The following DNAH6 variants were observed in gnomAD, a reference collection of about 807,000 sequenced individuals.
The protein encoded by DNAH6 is dynein axonemal heavy chain 6.
Under a neutral mutation model 491.4 loss-of-function variants are expected in DNAH6, and 340 were observed. The ratio of observed to expected loss-of-function variants is 0.69; its 90% CI spans 0.63 to 0.76. DNAH6 has a LOEUF of 0.76. Among genes scored for constraint, DNAH6 ranks in the 30% least tolerant of loss-of-function variants. DNAH6 has a pLI of 0.00. For synonymous variants in DNAH6, 1,603 were observed against 1,686.1 expected, an observed-to-expected ratio of 0.95 and a Z score of 1.21; for missense variants, 4,443 against 4,972.2, an observed-to-expected ratio of 0.89 and a Z score of 3.20.
intron 64 of DNAH6, among the ~76,000 whole-genome samples, chr2:84,779,444 A>G (rs1252773067): frequency 6.6e-6 from 1 of 152,160 alleles, no homozygotes; most frequent in Non-Finnish European, 1.5e-5. Context: ...TATTTCTACA[A>G]TATAAGAATA....
At chr2:84,773,467 T>C (rs1675831321) in intron 64 of DNAH6, among the ~76,000 whole-genome samples, 1 of 152,072 alleles carries the variant, frequency 6.6e-6, no homozygotes, top group Non-Finnish European at 1.5e-5. Context: ...TCCACCATGA[T>C]GACAGAATCT....
In DNAH6 at chr2:84,658,355, C is replaced by T; in HGVS notation, c.5821C>T (p.His1941Tyr). Reference sequence around the variant, plus strand: ...CCAACGTTATGTTGATGAAGGTTTACATTTTATCAATAAAAAGTGCAGCCA... The same window carrying T: ...CCAACGTTATGTTGATGAAGGTTTATATTTTATCAATAAAAAGTGCAGCCA... ...LFQRYVDEGL[H>Y]FINKKCSQAI... The change falls in exon 36 of 77, where the codon CAT (histidine) becomes TAT (tyrosine). Residue 1941 changes from histidine (H) to tyrosine (Y), a missense_variant. By Grantham distance (83) the His-to-Tyr change is moderately conservative. Coordinates refer to ENST00000389394, the MANE Select transcript of DNAH6 (RefSeq NM_001370.2). 1 of 1,548,506 alleles carries T rather than the reference C, an allele frequency of 6.5e-7. No individual in the cohort carries two copies. The highest frequency in any genetic ancestry group is 8.7e-7 in the Non-Finnish European group (1 of 1,145,238).
chr2:84,530,970 G>A (rs2104456828), intron 4 of DNAH6, among the ~76,000 whole-genome samples: 1 of 152,228 alleles, frequency 6.6e-6, no homozygotes, highest in South Asian at 2.1e-4. Flanking sequence ...AGGAGGTCCT[G>A]ATGACATGTG....
intron 56 of DNAH6, 134 bp from the exon 57 acceptor site, chr2:84,712,961 A>G: frequency 1.4e-6 from 1 of 734,672 alleles, no homozygotes; most frequent in South Asian, 2.0e-5. Context: ...TGAGGATGTT[A>G]ATAAATATCC....
At chr2:84,664,995 A>G (rs1427246863) in intron 37 of DNAH6, among the ~76,000 whole-genome samples, 9 of 140,900 alleles carry the variant, frequency 6.4e-5, no homozygotes, top group Non-Finnish European at 1.3e-4. Flanking sequence ...CTCCTGAATG[A>G]CTACTGGGTA....
intron 61 of DNAH6, among the ~76,000 whole-genome samples, chr2:84,730,451 A>G (rs1699030486): frequency 6.6e-6 from 1 of 152,192 alleles, no homozygotes; most frequent in African/African-American, 2.4e-5. Flanking sequence ...GATATTTTAA[A>G]CAGGGGTGTC....
chr2:84,475,143 G>T, the DNAH6 span, among the ~76,000 whole-genome samples: 2 of 152,186 alleles, frequency 1.3e-5, no homozygotes. Context: ...GACCTTCCAA[G>T]TAATAGACTG....
rs545361967 is a variant in DNAH6 at position 84,653,823 on chromosome 2, G to C, written c.5583G>C (p.Leu1861=). The C allele has an allele frequency of 1.3e-6, 2 of 1,551,318 alleles. No individual in the cohort carries two copies. The highest frequency in any genetic ancestry group is 4.9e-5 in the East Asian group (2 of 40,920). Residue 1861 remains leucine (L), a synonymous_variant, in exon 34 of 77, where the codon CTG becomes CTC. Transcript: ENST00000389394. ...TGGATGATAACAAGATGCTTTGCCT[G>C]GCTAACAGTGAGAGGATTAAACTCA... is the stretch of plus-strand genomic sequence containing the variant. ...TVLDDNKMLC[L]ANSERIKLTP...
intron 2 of DNAH6, among the ~76,000 whole-genome samples, chr2:84,522,442 C>G (rs1397896944): frequency 1.3e-5 from 2 of 152,054 alleles, no homozygotes; most frequent in African/African-American, 4.8e-5. Flanking sequence ...GACTTCCTCT[C>G]TTCCTATTTT....
Position 84,808,600 on chromosome 2 carries a change from A to G in DNAH6, c.11739+58A>G, listed in dbSNP as rs940415867. ...GCATCAAAGCTTTGTAGAGAGTTGT[A>G]TAATATGAAATTCTTCCATTCCCAT... On this transcript the variant is annotated intron_variant, in intron 72 of 76. Transcript: ENST00000389394. 8.6e-6 allele frequency: 13 copies of G among 1,514,188 alleles called. No individual in the cohort carries two copies. In the South Asian group the frequency reaches 1.3e-4, roughly 16 times the overall value. The allele number at this position is 1,514,188 out of a possible 1,614,324, so 93.8% of individuals were successfully genotyped here.
intron 64 of DNAH6, among the ~76,000 whole-genome samples, chr2:84,776,121 T>C (rs568421409): frequency 6.6e-6 from 1 of 152,318 alleles, no homozygotes; most frequent in South Asian, 2.1e-4. Flanking sequence ...ATAAGATCCT[T>C]TGGAACAATT....
At chr2:84,501,042 G>A in the DNAH6 span, among the ~76,000 whole-genome samples, 29 of 152,204 alleles carry the variant, frequency 1.9e-4, no homozygotes, top group African/African-American at 6.3e-4. Flanking sequence ...GATTGCTCTA[G>A]CTAAGACTTC....
intron 63 of DNAH6, among the ~76,000 whole-genome samples, chr2:84,755,191 T>C (rs2105095067): frequency 6.6e-6 from 1 of 152,334 alleles, no homozygotes; most frequent in South Asian, 2.1e-4. Flanking sequence ...GTTAATGTCA[T>C]TGTCATATGA....
chr2:84,713,383 A>T, intron 57 of DNAH6, 124 bp downstream of exon 57: 1 of 886,342 alleles, frequency 1.1e-6, no homozygotes. Flanking sequence ...TCTCCTATAC[A>T]CTCCCCTTTC....
chr2:84,803,682 ACT>A (rs1679145448), intron 70 of DNAH6, among the ~76,000 whole-genome samples: 1 of 151,878 alleles, frequency 6.6e-6, no homozygotes, highest in South Asian at 2.1e-4. Context: ...AAAATGAGAA[ACT>A]ATTTTATCCA....
In DNAH6 at chr2:84,640,940, A is replaced by G. The variant is rs77104738; in HGVS notation, c.4970+362A>G. ...TTAAAAGACACACAGTCTGTTATGCATATGCAACAAAGCCAGTCATACTTG... is the reference window on the plus strand; with the variant it reads ...TTAAAAGACACACAGTCTGTTATGCGTATGCAACAAAGCCAGTCATACTTG... On this transcript the variant is annotated intron_variant, in intron 32 of 76. Coordinates refer to ENST00000389394, the MANE Select transcript of DNAH6 (RefSeq NM_001370.2). Among the ~76,000 whole-genome samples, 666 of 152,362 alleles carry G rather than the reference A, an allele frequency of 4.4e-3. 3 individuals carry two copies. Among genetic ancestry groups the G allele is most frequent in the African/African-American group, 0.015 (623 of 41,582 alleles).
rs530501559 is a variant in DNAH6 at position 84,726,924 on chromosome 2, C to A, written c.9973-745C>A. 2.9e-4 allele frequency among the ~76,000 whole-genome samples: 44 copies of A among 152,270 alleles called. No homozygotes were observed. In the South Asian group the frequency reaches 8.3e-3, roughly 29 times the overall value. On this transcript the variant is annotated intron_variant, in intron 60 of 76. Transcript: ENST00000389394. ...CCCAGTATCTTTATAATATGGGGCA[C>A]CTTTGTGGTAGTGATTCTCCTTTCA...
intron 11 of DNAH6, among the ~76,000 whole-genome samples, chr2:84,566,990 AAAAAT>A (rs1215792850): frequency 1.3e-5 from 2 of 152,128 alleles, no homozygotes; most frequent in Admixed American, 6.6e-5. Context: ...TTAGGGATCT[AAAAAT>A]AAAATAAAAC....
intron 64 of DNAH6, among the ~76,000 whole-genome samples, chr2:84,768,731 A>C (rs72832556): frequency 0.043 from 6,480 of 152,294 alleles, 238 homozygotes; most frequent in Admixed American, 0.094. Context: ...TGGAAGACTC[A>C]ATATTGTAAA....
Sources: gnomAD v4.1 joint callset for allele counts (sites outside exome capture counted in the v4.1 genomes callset) on GRCh38, gnomAD v4.1.1 for gene constraint, MANE v1.5 for transcripts, NCBI Gene and HGNC (gene_info 2026-07-23, HGNC 2026-07-21) for gene names.